Variants in CYP3A43 observed in about 807,000 individuals in gnomAD.
CYP3A43 encodes cytochrome P450 3A43.
CYP3A43 carries 45 observed loss-of-function variants against 58.0 expected under a neutral mutation model. That is an observed-to-expected ratio of 0.78 (90% CI 0.61 to 0.99). CYP3A43 has a LOEUF of 0.99. Among genes scored for constraint, CYP3A43 ranks in the 50% least tolerant of loss-of-function variants. The pLI, the probability that CYP3A43 is intolerant of heterozygous loss-of-function variation, is 0.00. For missense variants in CYP3A43, 593 were observed against 591.9 expected (o/e 1.00, Z -0.02); for synonymous variants, 191 against 201.4 (o/e 0.95, Z 0.44).
intron 7 of CYP3A43, among the ~76,000 whole-genome samples, chr7:99,850,348 G>C (rs800666): frequency 2.6e-5 from 4 of 151,456 alleles, no homozygotes; most frequent in Non-Finnish European, 2.9e-5. Flanking sequence ...TGCAACCTCC[G>C]CCTTCCAGGT....
intron 2 of CYP3A43, 105 bp downstream of exon 2, chr7:99,836,651 C>T: frequency 1.2e-6 from 1 of 817,554 alleles, no homozygotes; most frequent in Non-Finnish European, 1.9e-6. Flanking sequence ...CAATGTTTTA[C>T]ACTTTCAGAA....
chr7:99,852,387 T>C (rs1817795588), intron 7 of CYP3A43, among the ~76,000 whole-genome samples: 1 of 152,216 alleles, frequency 6.6e-6, no homozygotes, highest in South Asian at 2.1e-4. Context: ...ATTTGAGAAG[T>C]ATTGCCATTT....
intron 5 of CYP3A43, 140 bp from the exon 6 acceptor site, chr7:99,848,026 G>T (rs1025436374): frequency 1.2e-6 from 1 of 819,948 alleles, no homozygotes; most frequent in Non-Finnish European, 1.9e-6. Context: ...AAAAGGGGCA[G>T]GGGGCGGTCT....
At chr7:99,862,291 C>T (rs944313404) in intron 11 of CYP3A43, among the ~76,000 whole-genome samples, 1 of 152,152 alleles carries the variant, frequency 6.6e-6, no homozygotes, top group African/African-American at 2.4e-5. Flanking sequence ...TTTAGCACCA[C>T]GTTTAGGACA....
chr7:99,844,381 C>G (rs1397074518), intron 4 of CYP3A43, 139 bp downstream of exon 4: 3 of 762,350 alleles, frequency 3.9e-6, no homozygotes, highest in African/African-American at 3.5e-5. Flanking sequence ...TCTTATTTAA[C>G]TGTAGATACA....
rs1046432613 is a variant in CYP3A43 at position 99,837,251 on chromosome 7, G to T, written c.165+705G>T. 2.7e-5 allele frequency among the ~76,000 whole-genome samples: 4 copies of T among 149,440 alleles called. 1 individual carries two copies. The highest frequency in any genetic ancestry group is 1.0e-4 in the African/African-American group (4 of 40,186). On this transcript the variant is annotated intron_variant, in intron 2 of 12. Transcript: ENST00000354829. ...GGAGAATGGCGTGAACCCGGGAGGC[G>T]GAGCTTGCAGTGAGCCGAGATAGCG... is the stretch of plus-strand genomic sequence containing the variant.
chr7:99,860,038 C>A (rs1369686397), intron 10 of CYP3A43, 48 bp downstream of exon 10: 1 of 1,531,702 alleles, frequency 6.5e-7, no homozygotes, highest in Admixed American at 2.2e-5. Flanking sequence ...GAAGCCTCAG[C>A]AAGAATGCCT....
intron 3 of CYP3A43, among the ~76,000 whole-genome samples, chr7:99,842,814 C>T (rs949282079): frequency 2.6e-5 from 4 of 152,196 alleles, no homozygotes; most frequent in African/African-American, 9.7e-5. Context: ...CCCCAGATGG[C>T]GTCCCTCGTA....
At chr7:99,858,941 C>G (rs1269579347) in intron 9 of CYP3A43, among the ~76,000 whole-genome samples, 1 of 151,994 alleles carries the variant, frequency 6.6e-6, no homozygotes, top group Non-Finnish European at 1.5e-5. Context: ...CAATGATCCT[C>G]CTGTGTCAGC....
chr7:99,834,451 C>T (rs796098619), intron 1 of CYP3A43, among the ~76,000 whole-genome samples: 1 of 152,112 alleles, frequency 6.6e-6, no homozygotes, highest in East Asian at 1.9e-4. Context: ...CCTAAGAGTT[C>T]CCCTGGCTTT....
chr7:99,849,793 C>T (rs984289459), intron 7 of CYP3A43, 99 bp downstream of exon 7: 2 of 1,202,728 alleles, frequency 1.7e-6, no homozygotes, highest in African/African-American at 1.6e-5. Flanking sequence ...ATATAATTCA[C>T]CTACTTAAAA....
At chr7:99,847,654 C>G (rs1475768785) in intron 5 of CYP3A43, 53 bp downstream of exon 5, 1 of 1,605,084 alleles carries the variant, frequency 6.2e-7, no homozygotes, top group Non-Finnish European at 8.5e-7. Context: ...AATCTGGAGA[C>G]AGGTAGTAAG....
Position 99,856,850 on chromosome 7 carries a change from T to G in CYP3A43, c.816T>G (p.Phe272Leu), listed in dbSNP as rs760839419. The G allele has an allele frequency of 3.1e-6, 5 of 1,614,068 alleles. No homozygotes were observed. In the South Asian group the frequency reaches 4.4e-5, roughly 14 times the overall value. ...KDKQKHRVDF[F>L]QQMIDSQNSK... is the part of the protein sequence containing the mutation. ...GCTTCCAGCATCGAGTAGATTTCTTTCAACAGATGATCGACTCCCAGAATT... is the reference window on the plus strand; with the variant it reads ...GCTTCCAGCATCGAGTAGATTTCTTGCAACAGATGATCGACTCCCAGAATT... The change falls in exon 9 of 13, where the codon TTT becomes TTG. Residue 272 changes from phenylalanine to leucine, a missense_variant. By Grantham distance (22) the Phe-to-Leu change is conservative (BLOSUM62 0). Transcript: ENST00000354829.
At position 99,839,068 on chromosome 7, in the gene CYP3A43, C is replaced by T. The variant is rs979456928; in HGVS notation, c.166-52C>T. The T allele has an allele frequency of 5.6e-5, 89 of 1,599,578 alleles. No individual in the cohort carries two copies. In the Middle Eastern group the frequency reaches 4.5e-3, roughly 80 times the overall value. On this transcript the variant is annotated intron_variant, in intron 2 of 12. Coordinates refer to ENST00000354829, the MANE Select transcript of CYP3A43 (RefSeq NM_057095.3). The stretch of plus-strand genomic sequence containing the variant: ...ACTTTTTTGCCCTGGTTAAATGTAG[C>T]GTTCAGTACATTCGAAATAATACTT...
At position 99,849,884 on chromosome 7, in the gene CYP3A43, T is replaced by G. The variant is rs141589254; in HGVS notation, c.670+190T>G. ...TTAACTTCTGGACATTTTTGTAAAC[T>G]TCTGAACATTTTTTGTAAACTCAGA... On this transcript the variant is annotated intron_variant, in intron 7 of 12. Transcript: ENST00000354829. 232 of 685,478 alleles carry G rather than the reference T, an allele frequency of 3.4e-4. 2 individuals carry two copies. In the East Asian group the frequency reaches 5.6e-3, roughly 16 times the overall value. The allele number at this position is 685,478 out of a possible 1,614,324, so 42.5% of individuals were successfully genotyped here.
intron 2 of CYP3A43, 129 bp from the exon 3 acceptor site, chr7:99,838,991 C>T (rs1013580538): frequency 5.9e-5 from 63 of 1,076,104 alleles, no homozygotes; most frequent in Non-Finnish European, 7.0e-5. Flanking sequence ...AAGATTCCCT[C>T]TAACTGCCAG....
At chr7:99,837,149 CAA>C (rs59738486) in intron 2 of CYP3A43, among the ~76,000 whole-genome samples, 1,658 of 80,598 alleles carry the variant, frequency 0.021, 40 homozygotes, top group African/African-American at 0.047. Context: ...ACTAAAAATA[CAA>C]AAAAAAAAAA....
At chr7:99,854,491 C>T (rs1817896512) in intron 7 of CYP3A43, among the ~76,000 whole-genome samples, 1 of 152,134 alleles carries the variant, frequency 6.6e-6, no homozygotes, top group African/African-American at 2.4e-5. Context: ...AGGCGTGAGC[C>T]ACCGCGCCCG....
rs189346261 is a variant in CYP3A43 at position 99,850,244 on chromosome 7, C to T, written c.670+550C>T. ...TGCTGGGATTACAGGTGTGAGCCAC[C>T]GCACCTGGCCTTTTTTTCTTTCTTT... On this transcript the variant is annotated intron_variant, in intron 7 of 12. Coordinates refer to ENST00000354829, the MANE Select transcript of CYP3A43 (RefSeq NM_057095.3). 297 of 183,754 alleles carry T rather than the reference C, an allele frequency of 1.6e-3. 1 individual carries two copies. Among genetic ancestry groups the T allele is most frequent in the African/African-American group, 6.4e-3 (262 of 41,130 alleles). 11.4% of individuals were successfully genotyped at this position (183,754 alleles called of 1,614,324 possible). A position where few individuals can be genotyped will look rare whatever the true frequency, so the allele number is the denominator to read the frequency against.
Sources: gnomAD v4.1 joint callset for allele counts (sites outside exome capture counted in the v4.1 genomes callset) on GRCh38, gnomAD v4.1.1 for gene constraint, MANE v1.5 for transcripts, NCBI Gene and HGNC (gene_info 2026-07-23, HGNC 2026-07-21) for gene names.